The following SCFD2 variants were observed in gnomAD, a reference collection of about 807,000 sequenced individuals.
SCFD2 encodes the protein sec1 family domain-containing protein 2.
Under a neutral mutation model 58.9 loss-of-function variants are expected in SCFD2, and 54 were observed. The observed-to-expected ratio is 0.92, with a 90% CI of 0.74 to 1.15. SCFD2 has a LOEUF of 1.15. SCFD2 is among the 50% of genes most tolerant of loss of function. The pLI, the probability that SCFD2 is intolerant of heterozygous loss-of-function variation, is 0.00. For missense variants in SCFD2, 805 were observed against 836.6 expected (o/e 0.96, Z 0.47); for synonymous variants, 321 against 335.9 (o/e 0.96, Z 0.49).
chr4:53,018,556 G>C (rs912244029), intron 5 of SCFD2, among the ~76,000 whole-genome samples: 1 of 152,136 alleles, frequency 6.6e-6, no homozygotes, highest in Admixed American at 6.5e-5. Flanking sequence ...TCAAGTCAGA[G>C]TGATTTATAT....
At chr4:52,904,707 T>A (rs1014790379) in intron 7 of SCFD2, among the ~76,000 whole-genome samples, 1 of 152,162 alleles carries the variant, frequency 6.6e-6, no homozygotes, top group Non-Finnish European at 1.5e-5. Context: ...CCAGAAAGAA[T>A]AACATATGAG....
At chr4:53,217,157 T>C (rs1310814279) in intron 4 of SCFD2, among the ~76,000 whole-genome samples, 1 of 152,162 alleles carries the variant, frequency 6.6e-6, no homozygotes, top group Non-Finnish European at 1.5e-5. Flanking sequence ...AGATTTCTAT[T>C]AGGTCCACTT....
chr4:53,249,202 AT>A (rs1393036137), intron 4 of SCFD2, among the ~76,000 whole-genome samples: 1 of 152,220 alleles, frequency 6.6e-6, no homozygotes, highest in African/African-American at 2.4e-5. Context: ...AAGAAAGGGT[AT>A]CAGTGATGGA....
At chr4:52,896,082 A>G (rs373669263) in intron 7 of SCFD2, among the ~76,000 whole-genome samples, 28 of 152,030 alleles carry the variant, frequency 1.8e-4, no homozygotes, top group African/African-American at 5.1e-4. Flanking sequence ...AGATGAGTAG[A>G]TTGCAAAAAT....
rs142033427 is a variant in SCFD2, at chr4:52,963,211, A to G, written c.1562-42341T>C. 9.8e-5 allele frequency among the ~76,000 whole-genome samples: 15 copies of G among 152,324 alleles called. No individual in the cohort carries two copies. The East Asian group carries it at 2.9e-3, about 29-fold the overall frequency. On this transcript the variant is annotated intron_variant, in intron 5 of 8. Coordinates refer to ENST00000401642, the MANE Select transcript of SCFD2 (RefSeq NM_152540.4). ...CTGTATCTTCCCAAGTTTGCAACTT[A>G]TTTTCAGAATGCCCTGATCAATTAT...
chr4:53,294,279 A>G (rs916233888), intron 3 of SCFD2, among the ~76,000 whole-genome samples: 1 of 152,092 alleles, frequency 6.6e-6, no homozygotes, highest in Non-Finnish European at 1.5e-5. Context: ...AAACGTTCCT[A>G]TTTATCCACA....
intron 3 of SCFD2, among the ~76,000 whole-genome samples, chr4:53,287,495 C>T (rs945219238): frequency 6.6e-6 from 1 of 152,162 alleles, no homozygotes; most frequent in Non-Finnish European, 1.5e-5. Flanking sequence ...TTGATCACAG[C>T]TGAAGAAGCT....
chr4:53,112,822 A>C (rs1223767280), intron 5 of SCFD2, among the ~76,000 whole-genome samples: 1 of 152,044 alleles, frequency 6.6e-6, no homozygotes, highest in East Asian at 1.9e-4. Flanking sequence ...TTGATGCCTA[A>C]ATCAAGCCTC....
intron 6 of SCFD2, among the ~76,000 whole-genome samples, chr4:52,917,341 A>G (rs1719633330): frequency 1.3e-5 from 2 of 152,200 alleles, no homozygotes. Context: ...AAGGTCACAC[A>G]GTTAGTAGAG....
At chr4:52,892,657 T>C (rs1323001202) in intron 7 of SCFD2, among the ~76,000 whole-genome samples, 1 of 152,224 alleles carries the variant, frequency 6.6e-6, no homozygotes, top group Non-Finnish European at 1.5e-5. Flanking sequence ...TCTGACTCCC[T>C]GACTGAGCTA....
intron 5 of SCFD2, among the ~76,000 whole-genome samples, chr4:53,078,073 A>T (rs1482916805): frequency 6.6e-6 from 1 of 152,208 alleles, no homozygotes; most frequent in Non-Finnish European, 1.5e-5. Flanking sequence ...TGGCATGATC[A>T]ACAGGAACTA....
chr4:53,235,111 CT>C (rs1192033584), intron 4 of SCFD2, among the ~76,000 whole-genome samples: 28 of 152,344 alleles, frequency 1.8e-4, no homozygotes, highest in African/African-American at 6.7e-4. Context: ...TGTGCCTGCC[CT>C]TTAAATGCAC....
At chr4:53,161,416 A>C (rs1368721719) in intron 4 of SCFD2, among the ~76,000 whole-genome samples, 1 of 152,228 alleles carries the variant, frequency 6.6e-6, no homozygotes, top group Non-Finnish European at 1.5e-5. Flanking sequence ...GGAAAACATA[A>C]GAAGCTTACA....
At chr4:53,217,165 C>T (rs1728872319) in intron 4 of SCFD2, among the ~76,000 whole-genome samples, 1 of 152,258 alleles carries the variant, frequency 6.6e-6, no homozygotes, top group East Asian at 1.9e-4. Context: ...ATTAGGTCCA[C>T]TTGGTGCAGA....
intron 5 of SCFD2, among the ~76,000 whole-genome samples, chr4:53,032,465 A>C (rs1722638441): frequency 6.6e-6 from 1 of 152,212 alleles, no homozygotes; most frequent in African/African-American, 2.4e-5. Context: ...TAAATAGGCT[A>C]AATGCCCCCA....
intron 3 of SCFD2, among the ~76,000 whole-genome samples, chr4:53,302,887 T>C (rs569718260): frequency 6.6e-6 from 1 of 152,338 alleles, no homozygotes; most frequent in African/African-American, 2.4e-5. Context: ...CTGGGAAAAC[T>C]GGCTGGCCAT....
chr4:53,184,130 AT>A (rs558549749), intron 4 of SCFD2, among the ~76,000 whole-genome samples: 117 of 152,268 alleles, frequency 7.7e-4, no homozygotes, highest in African/African-American at 2.8e-3. Context: ...AGGCCATTGT[AT>A]TGGAGATTGT....
chr4:52,947,829 T>C (rs1040596148), intron 5 of SCFD2, among the ~76,000 whole-genome samples: 16 of 151,020 alleles, frequency 1.1e-4, no homozygotes, highest in East Asian at 3.9e-4. Flanking sequence ...AAAGATACCA[T>C]GAACAGAGTG....
chr4:53,326,787 A>G (rs537424387), intron 2 of SCFD2, among the ~76,000 whole-genome samples: 15 of 152,354 alleles, frequency 9.8e-5, no homozygotes, highest in African/African-American at 3.6e-4. Context: ...AGATGTGGTT[A>G]GCAAGTTGAT....
Sources: allele counts gnomAD v4.1 joint callset (sites outside exome capture counted in the v4.1 genomes callset), GRCh38; gene constraint gnomAD v4.1.1; transcripts MANE v1.5; gene names NCBI Gene and HGNC (gene_info 2026-07-23, HGNC 2026-07-21).